Variants in RP1 observed in about 807,000 individuals in gnomAD.
The protein encoded by RP1 is RP1 axonemal microtubule associated.
Under a neutral mutation model 14.8 loss-of-function variants are expected in RP1, and 16 were observed. The ratio of observed to expected loss-of-function variants is 1.08; its 90% confidence interval spans 0.73 to 1.65. The LOEUF (loss-of-function observed/expected upper bound fraction) is 1.65. RP1 is among the 40% of genes most tolerant of loss of function. The probability of loss-of-function intolerance (pLI) is 0.00; values close to 1 mark genes in which losing one functional copy is unlikely to be tolerated. For synonymous variants in RP1, 876 were observed against 883.6 expected (o/e 0.99, Z 0.15); for missense variants, 2,631 against 2,535.0 (o/e 1.04, Z -0.81).
chr8:54,766,539 A>T (rs1342960349), intron 22 of RP1, among the ~76,000 whole-genome samples: 2 of 152,076 alleles, frequency 1.3e-5, no homozygotes, highest in African/African-American at 4.8e-5. Flanking sequence ...AGTCTTGTTC[A>T]TTTTTTGGGG....
intron 1 of RP1, among the ~76,000 whole-genome samples, chr8:54,618,671 C>A (rs1260448765): frequency 6.6e-6 from 1 of 151,772 alleles, no homozygotes; most frequent in Non-Finnish European, 1.5e-5. Flanking sequence ...TTATTTTTTT[C>A]TTGAAATGGA....
intron 24 of RP1, among the ~76,000 whole-genome samples, chr8:54,825,784 A>G (rs142428117): frequency 1.1e-3 from 168 of 152,268 alleles, no homozygotes; most frequent in Non-Finnish European, 1.7e-3. Flanking sequence ...CTTGAGCTAT[A>G]TAAGAGATAA....
At chr8:54,596,422 A>T (rs1465648806) in intron 1 of RP1, among the ~76,000 whole-genome samples, 1 of 152,122 alleles carries the variant, frequency 6.6e-6, no homozygotes. Flanking sequence ...CTATCCCATG[A>T]CTCAAATTAT....
At chr8:54,755,244 G>T in intron 20 of RP1, among the ~76,000 whole-genome samples, 1 of 152,050 alleles carries the variant, frequency 6.6e-6, no homozygotes, top group East Asian at 1.9e-4. Flanking sequence ...CGCTTGATTT[G>T]TTTCCTCATC....
intron 24 of RP1, among the ~76,000 whole-genome samples, chr8:54,810,471 G>A (rs1810964413): frequency 1.3e-5 from 2 of 151,994 alleles, no homozygotes; most frequent in Admixed American, 1.3e-4. Context: ...GCTGTTCCCG[G>A]AGACCATTGA....
chr8:54,835,685 G>T (rs989930769), intron 24 of RP1, among the ~76,000 whole-genome samples: 1 of 152,152 alleles, frequency 6.6e-6, no homozygotes, highest in African/African-American at 2.4e-5. Context: ...GGGCACTGAA[G>T]CTTAGAGAGG....
At chr8:54,715,912 T>C (rs1424435477) in intron 15 of RP1, among the ~76,000 whole-genome samples, 3 of 152,208 alleles carry the variant, frequency 2.0e-5, no homozygotes, top group African/African-American at 7.2e-5. Flanking sequence ...AAATACGCCA[T>C]AGTGTGCAAA....
Position 54,799,014 on chromosome 8 carries a change from C to T in RP1, c.3615+15304C>T, listed in dbSNP as rs543957971. Among the ~76,000 whole-genome samples, 34 of 151,506 alleles carry T rather than the reference C, an allele frequency of 2.2e-4. 1 individual carries two copies. In the South Asian group the frequency reaches 6.9e-3, roughly 31 times the overall value. Reference sequence around the variant, plus strand: ...TTCAGCTTTTTTGGATTTGCTTTTTCGGATTTGCTTTTTCCTACAGCATAA... The same window carrying T: ...TTCAGCTTTTTTGGATTTGCTTTTTTGGATTTGCTTTTTCCTACAGCATAA... On this transcript the variant is annotated intron_variant, in intron 24 of 28. Coordinates refer to the RP1 transcript ENST00000637698.
chr8:54,762,319 T>C lies in RP1; in HGVS notation c.3248+3243T>C, dbSNP rs1809659257. Among the ~76,000 whole-genome samples the C allele has an allele frequency of 2.6e-5, 4 of 152,098 alleles. No individual in the cohort carries two copies. The South Asian group carries it at 8.4e-4, about 32-fold the overall frequency. ...TTTTTGTGGGCTCGGGGGAAATGCTTAGGTGAGACACAAAGCAGAGCCGCG... is the reference window on the plus strand; with the variant it reads ...TTTTTGTGGGCTCGGGGGAAATGCTCAGGTGAGACACAAAGCAGAGCCGCG... On this transcript the variant is annotated intron_variant, in intron 22 of 22. Transcript: ENST00000636932.
intron 1 of RP1, among the ~76,000 whole-genome samples, chr8:54,607,027 GTCT>G (rs1410374275): frequency 2.0e-5 from 3 of 152,108 alleles, no homozygotes; most frequent in Non-Finnish European, 2.9e-5. Flanking sequence ...ATCGTCTGAA[GTCT>G]TCTTCTCTCA....
At chr8:54,605,624 A>T (rs1348783862) in intron 1 of RP1, among the ~76,000 whole-genome samples, 1 of 152,104 alleles carries the variant, frequency 6.6e-6, no homozygotes, top group Non-Finnish European at 1.5e-5. Context: ...GATCTGTCTA[A>T]TGCTGACAGT....
intron 24 of RP1, among the ~76,000 whole-genome samples, chr8:54,824,108 C>T (rs56402526): frequency 1.3e-3 from 189 of 149,572 alleles, no homozygotes; most frequent in African/African-American, 4.3e-3. Context: ...ATCATTTGCC[C>T]ATTTTCTAAT....
At chr8:54,800,979 T>C (rs1810690869) in intron 24 of RP1, among the ~76,000 whole-genome samples, 1 of 152,200 alleles carries the variant, frequency 6.6e-6, no homozygotes, top group South Asian at 2.1e-4. Context: ...ATAAATACTG[T>C]TGATAATTGG....
chr8:54,691,066 T>G (rs532134500), intron 12 of RP1, among the ~76,000 whole-genome samples: 2 of 152,108 alleles, frequency 1.3e-5, no homozygotes, highest in South Asian at 4.2e-4. Flanking sequence ...CCCTCCTGGT[T>G]TGAGAGATAG....
At chr8:54,567,792 G>C (rs1804439328) in intron 1 of RP1, among the ~76,000 whole-genome samples, 1 of 152,176 alleles carries the variant, frequency 6.6e-6, no homozygotes, top group African/African-American at 2.4e-5. Flanking sequence ...CATTAGATCA[G>C]GCTTTGCCTA....
In RP1 at chr8:54,626,227, T is replaced by TA. The variant is rs1806042579; in HGVS notation, c.2348dup (p.Asn783LysfsTer2). ...TTAACCAAAAGAAAATCTAGATCAC[T>TA]AAATAAAATAAGCTTAGGAGCACCT... On this transcript the variant is annotated frameshift_variant, in exon 4 of 4. Transcript: ENST00000220676. LOFTEE classifies it low-confidence loss of function (END_TRUNC). 1.2e-6 allele frequency: 2 copies of TA among 1,611,110 alleles called. No homozygotes were observed. The highest frequency in any genetic ancestry group is 1.7e-6 in the Non-Finnish European group (2 of 1,179,126).
chr8:54,707,458 G>T (rs184031030), intron 15 of RP1, among the ~76,000 whole-genome samples: 1 of 152,246 alleles, frequency 6.6e-6, no homozygotes, highest in Non-Finnish European at 1.5e-5. Context: ...CCTTAGGAGG[G>T]GATGTGGAAG....
At chr8:54,683,226 A>C (rs1807477733) in intron 12 of RP1, among the ~76,000 whole-genome samples, 1 of 152,172 alleles carries the variant, frequency 6.6e-6, no homozygotes, top group Non-Finnish European at 1.5e-5. Context: ...GTTTGAAGTA[A>C]GGTAGCATGA....
chr8:54,716,479 G>A (rs543778065), intron 15 of RP1, among the ~76,000 whole-genome samples: 1 of 152,030 alleles, frequency 6.6e-6, no homozygotes, highest in Non-Finnish European at 1.5e-5. Flanking sequence ...GGTCTTTACT[G>A]AAGTGTGGCT....
Sources: gnomAD v4.1 joint callset for allele counts (sites outside exome capture counted in the v4.1 genomes callset) on GRCh38, gnomAD v4.1.1 for gene constraint, MANE v1.5 for transcripts, NCBI Gene and HGNC (gene_info 2026-07-23, HGNC 2026-07-21) for gene names.